The following SLAIN2 variants were observed in gnomAD, a reference collection of about 807,000 sequenced individuals.
SLAIN2 encodes the protein SLAIN motif-containing protein 2.
Under a neutral mutation model 56.6 loss-of-function variants are expected in SLAIN2, and 31 were observed. That is an observed-to-expected ratio of 0.55 (90% CI 0.41 to 0.74). The LOEUF (loss-of-function observed/expected upper bound fraction) is 0.74, where lower values mean the gene tolerates loss of function less well. Ranked by LOEUF, SLAIN2 falls within the 30% of genes least tolerant of loss-of-function variation. The pLI, the probability that SLAIN2 is intolerant of heterozygous loss-of-function variation, is 0.00. For missense variants in SLAIN2, 777 were observed against 754.2 expected, an observed-to-expected ratio of 1.03 and a Z score of -0.35; for synonymous variants, 317 against 284.9, an observed-to-expected ratio of 1.11 and a Z score of -1.13.
intron 1 of SLAIN2, among the ~76,000 whole-genome samples, chr4:48,351,066 C>G (rs1714997700): frequency 6.6e-6 from 1 of 152,212 alleles, no homozygotes; most frequent in Non-Finnish European, 1.5e-5. Flanking sequence ...CCACACATCC[C>G]TCTCCTACTC....
At position 48,377,981 on chromosome 4, in the gene SLAIN2, C is replaced by T. The variant is rs1392622682; in HGVS notation, c.624C>T (p.Tyr208=). The part of the protein sequence containing the change: ...SPYSPNASSP[Y]SSGFNSPSST... ...ACAGTCCAAATGCCAGTAGCCCATA[C>T]AGCAGTGGCTTCAATTCTCCATCCT... The change falls in exon 3 of 8, where the codon TAC becomes TAT. Residue 208 remains tyrosine, a synonymous_variant. Coordinates refer to ENST00000264313, the MANE Select transcript of SLAIN2 (RefSeq NM_020846.2). 9.9e-6 allele frequency: 16 copies of T among 1,613,804 alleles called. No individual in the cohort carries two copies. The highest frequency in any genetic ancestry group is 1.4e-5 in the Non-Finnish European group (16 of 1,179,854).
chr4:48,424,752 A>G lies in SLAIN2; in HGVS notation c.*2675A>G, dbSNP rs1381983121. ...TCAGATACTTTTTAAAATTATCTCA[A>G]TACATCACTTTTATAAAAAAAAAAA... On this transcript the variant is annotated 3_prime_UTR_variant, in exon 8 of 8. Coordinates refer to ENST00000264313, the MANE Select transcript of SLAIN2 (RefSeq NM_020846.2). 2.6e-5 allele frequency: 4 copies of G among 151,960 alleles called. No individual in the cohort carries two copies. Among genetic ancestry groups the G allele is most frequent in the East Asian group, 1.9e-4 (1 of 5,204 alleles). 9.4% of individuals were successfully genotyped at this position (151,960 alleles called of 1,614,324 possible).
chr4:48,381,825 T>C (rs1715980010), intron 4 of SLAIN2, among the ~76,000 whole-genome samples: 1 of 152,224 alleles, frequency 6.6e-6, no homozygotes, highest in Non-Finnish European at 1.5e-5. Flanking sequence ...TACGTTTGCA[T>C]TGCAGTTTGT....
chr4:48,364,802 C>T (rs905025573), intron 1 of SLAIN2, among the ~76,000 whole-genome samples: 5 of 133,868 alleles, frequency 3.7e-5, no homozygotes, highest in Non-Finnish European at 6.4e-5. Context: ...TGCAGTGTGC[C>T]GAGATGGCAG....
intron 6 of SLAIN2, among the ~76,000 whole-genome samples, chr4:48,406,525 C>CTTTTTT (rs34797619): frequency 7.4e-6 from 1 of 135,102 alleles, no homozygotes; most frequent in Non-Finnish European, 1.6e-5. Context: ...CTCTCTCTCT[C>CTTTTTT]TTTTTTTTTT....
rs143456814 is a variant in SLAIN2 at position 48,360,481 on chromosome 4, A to G, written c.390-9368A>G. ...GGTGTGCACGCTTGTAATTCCAGCT[A>G]CTCAGGAGCCTGAGGCATGAGAATC... is the stretch of plus-strand genomic sequence containing the variant. On this transcript the variant is annotated intron_variant, in intron 1 of 7. Coordinates refer to ENST00000264313, the MANE Select transcript of SLAIN2 (RefSeq NM_020846.2). Among the ~76,000 whole-genome samples the G allele has an allele frequency of 2.0e-4, 30 of 151,876 alleles. No individual in the cohort carries two copies. In the East Asian group the frequency reaches 5.5e-3, roughly 28 times the overall value.
intron 2 of SLAIN2, among the ~76,000 whole-genome samples, chr4:48,376,876 G>A (rs1453272673): frequency 6.9e-6 from 1 of 144,196 alleles, no homozygotes. Context: ...CTCCCAAAGT[G>A]CTGGGATTAC....
chr4:48,421,515 T>A (rs1717156802), intron 7 of SLAIN2, among the ~76,000 whole-genome samples: 1 of 152,144 alleles, frequency 6.6e-6, no homozygotes, highest in Non-Finnish European at 1.5e-5. Flanking sequence ...TATTCTTATT[T>A]CTATTTTTCA....
chr4:48,348,237 T>A (rs78054733), intron 1 of SLAIN2, among the ~76,000 whole-genome samples: 5,036 of 152,280 alleles, frequency 0.033, 91 homozygotes, highest in Admixed American at 0.046. Context: ...TGTTTTTGGA[T>A]GATATGCACT....
At chr4:48,410,983 T>G (rs1175387579) in intron 6 of SLAIN2, among the ~76,000 whole-genome samples, 1 of 152,072 alleles carries the variant, frequency 6.6e-6, no homozygotes, top group Non-Finnish European at 1.5e-5. Context: ...CCTCTTCCCT[T>G]CCCTCTTCCA....
intron 1 of SLAIN2, among the ~76,000 whole-genome samples, chr4:48,356,658 T>G (rs994588146): frequency 6.6e-6 from 1 of 152,200 alleles, no homozygotes; most frequent in African/African-American, 2.4e-5. Flanking sequence ...AACTAGTGTT[T>G]CCCAGCATTC....
intron 7 of SLAIN2, among the ~76,000 whole-genome samples, chr4:48,421,006 G>GT (rs964032315): frequency 6.6e-6 from 1 of 150,454 alleles, no homozygotes; most frequent in Admixed American, 6.6e-5. Context: ...TTTTTGTTTT[G>GT]TTTTTGTTTT....
chr4:48,347,541 G>A (rs1714901858), intron 1 of SLAIN2, among the ~76,000 whole-genome samples: 1 of 152,180 alleles, frequency 6.6e-6, no homozygotes, highest in Non-Finnish European at 1.5e-5. Context: ...GAGCCATCGT[G>A]CTCAGCTCCT....
intron 6 of SLAIN2, among the ~76,000 whole-genome samples, chr4:48,402,966 A>C (rs1281186306): frequency 2.0e-5 from 3 of 152,108 alleles, no homozygotes; most frequent in Non-Finnish European, 2.9e-5. Context: ...CCCTTCTTCC[A>C]TAGGGCTGCT....
intron 1 of SLAIN2, among the ~76,000 whole-genome samples, chr4:48,366,966 G>GA (rs1469788724): frequency 3.3e-5 from 5 of 151,880 alleles, no homozygotes; most frequent in Non-Finnish European, 4.4e-5. Context: ...GTGTCAAAAT[G>GA]AAAAAAATGT....
intron 6 of SLAIN2, among the ~76,000 whole-genome samples, chr4:48,405,398 G>T (rs1019614453): frequency 6.6e-6 from 1 of 151,516 alleles, no homozygotes; most frequent in Non-Finnish European, 1.5e-5. Context: ...TTACTTTATC[G>T]TTTTCTTCCA....
At position 48,379,930 on chromosome 4, in the gene SLAIN2, T is replaced by TA. The variant is rs1715927016; in HGVS notation, c.862+82_862+83insA. 1.5e-5 allele frequency: 18 copies of TA among 1,221,912 alleles called. 1 individual carries two copies. The South Asian group carries it at 3.9e-4, about 27-fold the overall frequency. The allele number at this position is 1,221,912 out of a possible 1,614,324, so 75.7% of individuals were successfully genotyped here. ...ATATTAAATATGTCTTAAAGTATTG[T>TA]GGGGGTAGTAATGTAGTGAAAGTAG... is the stretch of plus-strand genomic sequence containing the variant. On this transcript the variant is annotated intron_variant, in intron 4 of 7. Transcript: ENST00000264313.
chr4:48,347,050 C>G (rs1302321676), intron 1 of SLAIN2, among the ~76,000 whole-genome samples: 1 of 151,608 alleles, frequency 6.6e-6, no homozygotes, highest in Non-Finnish European at 1.5e-5. Context: ...GGAACAAATA[C>G]TTAGAGTACC....
intron 1 of SLAIN2, 139 bp downstream of exon 1, chr4:48,342,267 T>C: frequency 8.8e-7 from 1 of 1,132,918 alleles, no homozygotes; most frequent in South Asian, 2.5e-5. Context: ...GTTTTCTTGC[T>C]TTGGCAGAGG....
Sources: allele counts gnomAD v4.1 joint callset (sites outside exome capture counted in the v4.1 genomes callset), GRCh38; gene constraint gnomAD v4.1.1; transcripts MANE v1.5; gene names NCBI Gene and HGNC (gene_info 2026-07-23, HGNC 2026-07-21).